The following DIAPH2 variants were observed in gnomAD, a reference collection of about 807,000 sequenced individuals.
DIAPH2 encodes the protein diaphanous related formin 2.
Under a neutral mutation model 92.7 loss-of-function variants are expected in DIAPH2, and 35 were observed. The ratio of observed to expected loss-of-function variants is 0.38; its 90% CI spans 0.29 to 0.50. DIAPH2 has a LOEUF of 0.50. Among genes scored for constraint, DIAPH2 ranks in the 20% least tolerant of loss-of-function variants. The pLI is 0.94. For missense variants in DIAPH2, 701 were observed against 819.5 expected (o/e 0.86, Z 1.77); for synonymous variants, 301 against 280.4 (o/e 1.07, Z -0.73).
At chrX:96,815,216 G>A (rs898895159) in intron 4 of DIAPH2, among the ~76,000 whole-genome samples, 1 of 111,993 alleles carries the variant, frequency 8.9e-6, no homozygotes, top group African/African-American at 3.2e-5. Context: ...CAGCCGCTCT[G>A]TTTACCTACT....
intron 22 of DIAPH2, 110 bp from the exon 23 acceptor site, chrX:97,247,605 A>T: frequency 4.4e-6 from 3 of 680,849 alleles, no homozygotes; most frequent in Non-Finnish European, 4.3e-6. Flanking sequence ...GACTTCATGG[A>T]ACTATTTCCC....
intron 4 of DIAPH2, among the ~76,000 whole-genome samples, chrX:96,853,631 A>G (rs890104474): frequency 9.0e-6 from 1 of 111,615 alleles, no homozygotes; most frequent in South Asian, 3.7e-4. Context: ...TAAAGAGATT[A>G]CCCTCTATGT....
At chrX:96,827,868 C>T (rs1250961451) in intron 4 of DIAPH2, among the ~76,000 whole-genome samples, 1 of 111,355 alleles carries the variant, frequency 9.0e-6, no homozygotes, top group Non-Finnish European at 1.9e-5. Context: ...GCTGCCCAGG[C>T]TGGTGTGCAG....
At chrX:97,351,587 G>A (rs904139627) in intron 24 of DIAPH2, among the ~76,000 whole-genome samples, 3 of 111,415 alleles carry the variant, frequency 2.7e-5, no homozygotes, top group Admixed American at 1.9e-4. Flanking sequence ...AGGCCGAGGC[G>A]GGTGGATCAC....
At chrX:97,562,378 C>T (rs931747647) in intron 26 of DIAPH2, among the ~76,000 whole-genome samples, 4 of 109,253 alleles carry the variant, frequency 3.7e-5, no homozygotes, top group Admixed American at 9.7e-5. Context: ...TGGTGGCGTG[C>T]GCCTGTAGTC....
intron 17 of DIAPH2, among the ~76,000 whole-genome samples, chrX:97,003,121 G>A (rs751567569): frequency 4.0e-4 from 44 of 109,197 alleles, no homozygotes; most frequent in Non-Finnish European, 7.9e-4. Context: ...CAACTGACAG[G>A]ATCACATTCT....
In DIAPH2 at chrX:96,905,532, G is replaced by T. The variant is rs571814567; in HGVS notation, c.588-6796G>T. Among the ~76,000 whole-genome samples, 13 of 111,083 alleles carry T rather than the reference G, an allele frequency of 1.2e-4. No homozygotes were observed. The South Asian group carries it at 5.1e-3, about 43-fold the overall frequency. On this transcript the variant is annotated intron_variant, in intron 5 of 26. Coordinates refer to ENST00000324765, the MANE Select transcript of DIAPH2 (RefSeq NM_006729.5). ...GAGGGGAGAATCTTGCTTTCTCTTA[G>T]ATTTAGGGTTAATTGAATCTTCTGA...
At chrX:96,775,606 G>C (rs779381411) in intron 4 of DIAPH2, among the ~76,000 whole-genome samples, 1 of 110,767 alleles carries the variant, frequency 9.0e-6, no homozygotes, top group Non-Finnish European at 1.9e-5. Context: ...CTTGGTGTGC[G>C]AAGTTAATCA....
intron 26 of DIAPH2, among the ~76,000 whole-genome samples, chrX:97,515,124 C>T (rs1010044759): frequency 4.5e-5 from 5 of 112,351 alleles, no homozygotes; most frequent in African/African-American, 1.6e-4. Flanking sequence ...TGCTGCCTTG[C>T]AGTTTGATCT....
At chrX:96,877,248 G>A (rs183603941) in intron 4 of DIAPH2, among the ~76,000 whole-genome samples, 55 of 111,522 alleles carry the variant, frequency 4.9e-4, no homozygotes, top group African/African-American at 1.5e-3. Flanking sequence ...AGTTATAGGA[G>A]CCTCTCCAAG....
At chrX:97,407,922 C>T (rs1438239335) in intron 25 of DIAPH2, among the ~76,000 whole-genome samples, 1 of 111,920 alleles carries the variant, frequency 8.9e-6, no homozygotes, top group Non-Finnish European at 1.9e-5. Context: ...GAATGACAGT[C>T]TTTTAATGCC....
intron 4 of DIAPH2, among the ~76,000 whole-genome samples, chrX:96,773,999 G>A (rs185182517): frequency 8.9e-6 from 1 of 112,190 alleles, no homozygotes; most frequent in East Asian, 2.8e-4. Flanking sequence ...GTATGTAACA[G>A]TCATTTTGTT....
chrX:97,116,055 C>G (rs1050415120), intron 21 of DIAPH2, among the ~76,000 whole-genome samples: 13 of 111,628 alleles, frequency 1.2e-4, no homozygotes, highest in African/African-American at 3.9e-4. Context: ...GAAAATATTG[C>G]AGAACTTTGG....
chrX:97,380,817 T>A (rs1356405809), intron 24 of DIAPH2, among the ~76,000 whole-genome samples: 4 of 111,938 alleles, frequency 3.6e-5, no homozygotes, highest in African/African-American at 1.3e-4. Flanking sequence ...CTAGTCTGTG[T>A]TGCTTGAAAA....
chrX:97,175,000 G>A (rs1037970923), intron 22 of DIAPH2, among the ~76,000 whole-genome samples: 2 of 111,304 alleles, frequency 1.8e-5, no homozygotes, highest in African/African-American at 6.5e-5. Flanking sequence ...GAGGGAGAGA[G>A]GAATTTGTTT....
chrX:97,378,585 C>A lies in DIAPH2; in HGVS notation c.3010-5324C>A, dbSNP rs2069524084. On this transcript the variant is annotated intron_variant, in intron 24 of 26. Transcript: ENST00000324765. The stretch of plus-strand genomic sequence containing the variant: ...ACTTTGCCAGGCATGGCAGCTCACA[C>A]CTGTAGTCCCAGCTACTTGAAAGGT... Among the ~76,000 whole-genome samples the A allele has an allele frequency of 2.7e-5, 3 of 111,671 alleles. 1 individual carries two copies. The South Asian group carries it at 1.1e-3, about 42-fold the overall frequency.
At chrX:97,132,302 C>G (rs990298227) in intron 21 of DIAPH2, among the ~76,000 whole-genome samples, 1 of 111,313 alleles carries the variant, frequency 9.0e-6, no homozygotes, top group Non-Finnish European at 1.9e-5. Context: ...CTCTTTCCAC[C>G]GTAAATTACA....
At chrX:97,041,685 G>A (rs2066449538) in intron 17 of DIAPH2, among the ~76,000 whole-genome samples, 1 of 111,351 alleles carries the variant, frequency 9.0e-6, no homozygotes, top group Admixed American at 9.5e-5. Context: ...GGGGAAAACA[G>A]GGTTGATTTC....
intron 4 of DIAPH2, among the ~76,000 whole-genome samples, chrX:96,778,755 A>G (rs1467882548): frequency 2.7e-5 from 3 of 111,885 alleles, no homozygotes; most frequent in Non-Finnish European, 5.6e-5. Flanking sequence ...TCAAGAGACC[A>G]AGACACTTAT....
Sources: allele counts gnomAD v4.1 joint callset (sites outside exome capture counted in the v4.1 genomes callset), GRCh38; gene constraint gnomAD v4.1.1; transcripts MANE v1.5; gene names NCBI Gene and HGNC (gene_info 2026-07-23, HGNC 2026-07-21).